Variants in SSBP2 observed in about 807,000 individuals in gnomAD.
SSBP2 encodes the protein single-stranded DNA-binding protein 2.
SSBP2 carries 17 observed loss-of-function variants against 61.8 expected under a neutral mutation model. The ratio of observed to expected loss-of-function variants is 0.28; its 90% confidence interval spans 0.19 to 0.41. SSBP2 has a LOEUF of 0.41. Among genes scored for constraint, SSBP2 ranks in the 10% least tolerant of loss-of-function variants. The pLI is 1.00. For synonymous variants in SSBP2, 139 were observed against 141.3 expected, an observed-to-expected ratio of 0.98 and a Z score of 0.12; for missense variants, 310 against 458.7, an observed-to-expected ratio of 0.68 and a Z score of 2.96.
chr5:81,510,450 T>C (rs1177674799), intron 5 of SSBP2, among the ~76,000 whole-genome samples: 2 of 152,158 alleles, frequency 1.3e-5, no homozygotes, highest in Non-Finnish European at 2.9e-5. Context: ...ACTATCTTAG[T>C]TAAGGCCACC....
chr5:81,443,508 T>A (rs2153964771), intron 12 of SSBP2, among the ~76,000 whole-genome samples: 2 of 152,234 alleles, frequency 1.3e-5, no homozygotes, highest in South Asian at 4.1e-4. Context: ...AAATTATGGT[T>A]TTCTATTTTT....
At chr5:81,579,338 A>G (rs551372860) in intron 4 of SSBP2, among the ~76,000 whole-genome samples, 4 of 152,112 alleles carry the variant, frequency 2.6e-5, no homozygotes, top group Non-Finnish European at 4.4e-5. Flanking sequence ...CAAATGTCCA[A>G]TGAATCAATT....
At chr5:81,529,361 T>C (rs1770217397) in intron 4 of SSBP2, among the ~76,000 whole-genome samples, 2 of 152,158 alleles carry the variant, frequency 1.3e-5, no homozygotes, top group African/African-American at 2.4e-5. Context: ...GTAAAAATAT[T>C]ACATATTCTT....
chr5:81,551,014 T>C (rs1772137439), intron 4 of SSBP2, among the ~76,000 whole-genome samples: 1 of 145,608 alleles, frequency 6.9e-6, no homozygotes, highest in African/African-American at 2.6e-5. Flanking sequence ...GAGAATGGCA[T>C]GAACCCGGGA....
chr5:81,519,981 T>C (rs955490750), intron 4 of SSBP2, among the ~76,000 whole-genome samples: 6 of 150,826 alleles, frequency 4.0e-5, no homozygotes, highest in African/African-American at 1.5e-4. Context: ...GTAGCTATTT[T>C]CCCCCCTCTT....
At chr5:81,422,155 G>A (rs868117744) in intron 16 of SSBP2, among the ~76,000 whole-genome samples, 1 of 152,158 alleles carries the variant, frequency 6.6e-6, no homozygotes, top group African/African-American at 2.4e-5. Flanking sequence ...ATTGGTCCCA[G>A]GTTCCAGGAA....
chr5:81,739,374 A>G lies in SSBP2; in HGVS notation c.62+11607T>C, dbSNP rs1279560039. ...GGCTAAAATACTCTTTACTTGCCCC[A>G]TCTTCCACTTTGACTAATGCTAGCC... On this transcript the variant is annotated intron_variant, in intron 1 of 16. Transcript: ENST00000320672. Among the ~76,000 whole-genome samples the G allele has an allele frequency of 3.9e-5, 6 of 152,106 alleles. No individual in the cohort carries two copies. The East Asian group carries it at 1.2e-3, about 29-fold the overall frequency.
chr5:81,539,713 T>C (rs1367439913), intron 4 of SSBP2, among the ~76,000 whole-genome samples: 3 of 152,186 alleles, frequency 2.0e-5, no homozygotes, highest in Admixed American at 6.5e-5. Context: ...TTTGACTCAC[T>C]GAAGGCTCAG....
chr5:81,423,820 C>T (rs973705465), intron 16 of SSBP2, among the ~76,000 whole-genome samples: 8 of 151,978 alleles, frequency 5.3e-5, no homozygotes, highest in African/African-American at 1.9e-4. Flanking sequence ...ATAGAATAGC[C>T]TTCATTATAC....
chr5:81,711,404 CTCA>C (rs1376387004), intron 1 of SSBP2, among the ~76,000 whole-genome samples: 1 of 152,030 alleles, frequency 6.6e-6, no homozygotes, highest in Non-Finnish European at 1.5e-5. Flanking sequence ...TTTCCTACAG[CTCA>C]TCGCTTTGCC....
chr5:81,708,524 T>C (rs1177814868), intron 1 of SSBP2, among the ~76,000 whole-genome samples: 1 of 152,096 alleles, frequency 6.6e-6, no homozygotes, highest in Non-Finnish European at 1.5e-5. Context: ...AATTCATCTC[T>C]CAGATTTTTT....
At chr5:81,697,863 A>C (rs1046131169) in intron 1 of SSBP2, among the ~76,000 whole-genome samples, 12 of 152,354 alleles carry the variant, frequency 7.9e-5, no homozygotes, top group African/African-American at 2.9e-4. Context: ...GCACAAAAGA[A>C]GAAACATATC....
intron 6 of SSBP2, among the ~76,000 whole-genome samples, chr5:81,488,955 T>G (rs560314570): frequency 1.2e-3 from 178 of 152,236 alleles, no homozygotes; most frequent in Non-Finnish European, 1.9e-3. Flanking sequence ...GTAAATATTT[T>G]AGGGTTGCCG....
chr5:81,571,046 T>C (rs1339562785), intron 4 of SSBP2, among the ~76,000 whole-genome samples: 1 of 152,236 alleles, frequency 6.6e-6, no homozygotes, highest in Non-Finnish European at 1.5e-5. Flanking sequence ...AGACAGTAGA[T>C]ACTTCAGAAT....
intron 2 of SSBP2, among the ~76,000 whole-genome samples, chr5:81,647,617 G>A (rs1306920097): frequency 1.3e-5 from 2 of 151,998 alleles, no homozygotes; most frequent in Non-Finnish European, 2.9e-5. Context: ...CCAAAGTCTA[G>A]AAATAATGTG....
intron 5 of SSBP2, among the ~76,000 whole-genome samples, chr5:81,498,140 G>C (rs1767430703): frequency 6.6e-6 from 1 of 152,040 alleles, no homozygotes; most frequent in Non-Finnish European, 1.5e-5. Context: ...CTCAGCATTT[G>C]AGTAAAAACA....
Position 81,517,272 on chromosome 5 carries a change from TAACAG to T in SSBP2, c.283-3560_283-3556del, listed in dbSNP as rs561686260. Among the ~76,000 whole-genome samples, 335 of 152,056 alleles carry T rather than the reference TAACAG, an allele frequency of 2.2e-3. 1 individual carries two copies. The highest frequency in any genetic ancestry group is 4.2e-3 in the Admixed American group (64 of 15,258). ...TCATTAAAAGTTGTTTTGTTTCTTCTAACAGATCAATTTGCATGCTTTTATCATGC... is the reference window on the plus strand; with the variant it reads ...TCATTAAAAGTTGTTTTGTTTCTTCTATCAATTTGCATGCTTTTATCATGC... On this transcript the variant is annotated intron_variant, in intron 4 of 16. Coordinates refer to ENST00000320672, the MANE Select transcript of SSBP2 (RefSeq NM_012446.5).
intron 4 of SSBP2, among the ~76,000 whole-genome samples, chr5:81,529,036 T>C (rs1289057189): frequency 6.6e-6 from 1 of 152,134 alleles, no homozygotes; most frequent in Admixed American, 6.6e-5. Flanking sequence ...TACACATTTT[T>C]TTCAAGCACT....
intron 4 of SSBP2, among the ~76,000 whole-genome samples, chr5:81,600,284 C>T (rs531486387): frequency 1.1e-4 from 17 of 152,006 alleles, no homozygotes; most frequent in South Asian, 2.1e-4. Context: ...AAAATAAGGC[C>T]GGGTGTGGTA....
Sources: allele counts gnomAD v4.1 joint callset (sites outside exome capture counted in the v4.1 genomes callset), GRCh38; gene constraint gnomAD v4.1.1; transcripts MANE v1.5; gene names NCBI Gene and HGNC (gene_info 2026-07-23, HGNC 2026-07-21).